Variants in GRM5 observed in about 807,000 individuals in gnomAD.
GRM5 encodes the protein glutamate metabotropic receptor 5.
A neutral mutation model predicts 83.1 loss-of-function variants in GRM5; 19 were observed. The observed-to-expected ratio is 0.23, with a 90% confidence interval of 0.16 to 0.34. GRM5 has a LOEUF of 0.34. Among genes scored for constraint, GRM5 ranks in the 10% least tolerant of loss-of-function variants. The pLI is 1.00. For synonymous variants in GRM5, 675 were observed against 633.6 expected, an observed-to-expected ratio of 1.07 and a Z score of -0.98; for missense variants, 1,160 against 1,588.3, an observed-to-expected ratio of 0.73 and a Z score of 4.58.
chr11:88,587,729 A>T (rs1159507137), intron 7 of GRM5, among the ~76,000 whole-genome samples: 3 of 152,226 alleles, frequency 2.0e-5, no homozygotes, highest in Non-Finnish European at 4.4e-5. Flanking sequence ...ATATCTCTAA[A>T]AATGCAAGGT....
Position 88,509,108 on chromosome 11 carries a change from C to T in GRM5, c.3123G>A (p.Ser1041=). ...TGCGCGCCACAGGCTCCGAGTGCAG[C>T]GACGGCACATCGTCGTCCGTGCGGC... ...SASRTDDDVP[S]LHSEPVARSS... The change falls in exon 10 of 10, where the codon TCG becomes TCA. Residue 1041 remains serine (S), a synonymous_variant. Transcript: ENST00000305447. 6.5e-7 allele frequency: 1 copy of T among 1,547,126 alleles called. No individual in the cohort carries two copies. Among genetic ancestry groups the T allele is most frequent in the Non-Finnish European group, 8.7e-7 (1 of 1,146,232 alleles).
At chr11:88,926,383 A>G (rs1365127034) in intron 2 of GRM5, among the ~76,000 whole-genome samples, 2 of 152,204 alleles carry the variant, frequency 1.3e-5, no homozygotes, top group African/African-American at 2.4e-5. Flanking sequence ...TGGGTAAAAT[A>G]AGTACTTATT....
At chr11:88,759,204 C>T (rs1942458742) in intron 3 of GRM5, among the ~76,000 whole-genome samples, 1 of 152,042 alleles carries the variant, frequency 6.6e-6, no homozygotes, top group Non-Finnish European at 1.5e-5. Flanking sequence ...ATCATGATGA[C>T]AAGATCAAAT....
intron 3 of GRM5, among the ~76,000 whole-genome samples, chr11:88,796,893 CACACACGTGTGTGTGTGTGTGTGTGTGT>C (rs1026525650): frequency 4.9e-5 from 5 of 102,104 alleles, no homozygotes; most frequent in African/African-American, 1.6e-4. Context: ...AGTACACACA[CACACACGTGTGTGTGTGTGTGTGTGTGT>C]GTGTGTGTGT....
At chr11:89,012,864 G>A (rs1057328564) in intron 2 of GRM5, among the ~76,000 whole-genome samples, 1 of 152,178 alleles carries the variant, frequency 6.6e-6, no homozygotes, top group Non-Finnish European at 1.5e-5. Context: ...AATTCACTCA[G>A]TGCTCTATCT....
intron 7 of GRM5, among the ~76,000 whole-genome samples, chr11:88,568,387 G>A (rs764672316): frequency 1.3e-5 from 2 of 152,084 alleles, no homozygotes; most frequent in Non-Finnish European, 2.9e-5. Context: ...TAAATGTGTT[G>A]GTTTGATGGA....
At chr11:88,852,881 C>T (rs1322771445) in intron 2 of GRM5, among the ~76,000 whole-genome samples, 2 of 151,868 alleles carry the variant, frequency 1.3e-5, no homozygotes, top group Admixed American at 1.3e-4. Flanking sequence ...TATAATTATA[C>T]ATTTTAAAAT....
At chr11:88,814,320 G>A (rs1943633544) in intron 3 of GRM5, among the ~76,000 whole-genome samples, 1 of 152,200 alleles carries the variant, frequency 6.6e-6, no homozygotes, top group Non-Finnish European at 1.5e-5. Flanking sequence ...GAGGACTAGA[G>A]AAGAGGACTC....
chr11:88,888,458 G>A (rs563106977), intron 2 of GRM5, among the ~76,000 whole-genome samples: 72 of 152,246 alleles, frequency 4.7e-4, no homozygotes, highest in Middle Eastern at 6.8e-3. Flanking sequence ...GGAAGCCCCA[G>A]ACTCTTCTAT....
At chr11:88,807,888 T>A (rs1565240610) in intron 3 of GRM5, among the ~76,000 whole-genome samples, 1 of 152,098 alleles carries the variant, frequency 6.6e-6, no homozygotes. Context: ...TCATTTGCCA[T>A]GTAGTTTTTA....
At chr11:88,759,613 C>G (rs1047253173) in intron 3 of GRM5, among the ~76,000 whole-genome samples, 3 of 152,086 alleles carry the variant, frequency 2.0e-5, no homozygotes, top group African/African-American at 7.2e-5. Flanking sequence ...CTTAGATTCC[C>G]ACACAATAAT....
chr11:88,757,067 G>A (rs958545917), intron 3 of GRM5, among the ~76,000 whole-genome samples: 2 of 151,962 alleles, frequency 1.3e-5, no homozygotes, highest in Non-Finnish European at 2.9e-5. Flanking sequence ...ACATGCAAGG[G>A]GTCCTCAAAA....
intron 8 of GRM5, among the ~76,000 whole-genome samples, chr11:88,527,984 T>G (rs934440344): frequency 3.9e-5 from 6 of 152,056 alleles, no homozygotes; most frequent in African/African-American, 1.4e-4. Flanking sequence ...TACCAGATTC[T>G]ATACTTATTA....
chr11:88,614,798 G>A (rs931167996), intron 4 of GRM5, among the ~76,000 whole-genome samples: 1 of 152,112 alleles, frequency 6.6e-6, no homozygotes, highest in South Asian at 2.1e-4. Flanking sequence ...AAGTGAAGTC[G>A]ATTTTCCGTG....
intron 2 of GRM5, among the ~76,000 whole-genome samples, chr11:88,910,532 A>C (rs1308618037): frequency 6.6e-6 from 1 of 152,052 alleles, no homozygotes; most frequent in East Asian, 1.9e-4. Flanking sequence ...ACATCATTTT[A>C]CATTGTGATG....
rs1942429962 is a variant in GRM5, at chr11:88,548,428, A to G, written c.2630+18625T>C. The stretch of plus-strand genomic sequence containing the variant: ...AGTAGTAACAAATGAGGCCACTAAC[A>G]TCACATGCAAATTAAAAAAATCCAC... On this transcript the variant is annotated intron_variant, in intron 8 of 9. Coordinates refer to ENST00000305447, the MANE Select transcript of GRM5 (RefSeq NM_001143831.3). Among the ~76,000 whole-genome samples, 2 of 152,194 alleles carry G rather than the reference A, an allele frequency of 1.3e-5. 1 individual carries two copies. The highest frequency in any genetic ancestry group is 4.1e-4 in the South Asian group (2 of 4,832).
chr11:89,050,811 G>C (rs1348835878), intron 1 of GRM5, among the ~76,000 whole-genome samples: 1 of 152,174 alleles, frequency 6.6e-6, no homozygotes, highest in Non-Finnish European at 1.5e-5. Flanking sequence ...GCATGGACAT[G>C]GATGGAGCTG....
At chr11:89,019,963 C>A (rs1316129605) in intron 2 of GRM5, among the ~76,000 whole-genome samples, 1 of 152,106 alleles carries the variant, frequency 6.6e-6, no homozygotes, top group Non-Finnish European at 1.5e-5. Context: ...TGGGCTGCAG[C>A]TGCAGCAACC....
chr11:88,813,956 TA>T (rs11404971), intron 3 of GRM5, among the ~76,000 whole-genome samples: 3 of 150,768 alleles, frequency 2.0e-5, no homozygotes, highest in Non-Finnish European at 4.4e-5. Flanking sequence ...ATTCAAAAGA[TA>T]AAAAAAAACA....
Sources: allele counts gnomAD v4.1 joint callset (sites outside exome capture counted in the v4.1 genomes callset), GRCh38; gene constraint gnomAD v4.1.1; transcripts MANE v1.5; gene names NCBI Gene and HGNC (gene_info 2026-07-23, HGNC 2026-07-21).